The following LMCD1 variants were observed in gnomAD, a reference collection of about 807,000 sequenced individuals.
LMCD1 encodes LIM and cysteine rich domains 1.
LMCD1 carries 32 observed loss-of-function variants against 42.7 expected under a neutral mutation model. That is an observed-to-expected ratio of 0.75 (90% CI 0.57 to 1.01). The LOEUF (loss-of-function observed/expected upper bound fraction) is 1.01, where lower values mean the gene tolerates loss of function less well. Among genes scored for constraint, LMCD1 ranks in the 50% least tolerant of loss-of-function variants. The pLI is 0.00. For synonymous variants in LMCD1, 178 were observed against 184.9 expected, an observed-to-expected ratio of 0.96 and a Z score of 0.30; for missense variants, 458 against 483.1, an observed-to-expected ratio of 0.95 and a Z score of 0.49.
At chr3:8,520,686 T>C (rs1694188346) in intron 1 of LMCD1, among the ~76,000 whole-genome samples, 1 of 152,164 alleles carries the variant, frequency 6.6e-6, no homozygotes, top group African/African-American at 2.4e-5. Flanking sequence ...AAAAGACAAC[T>C]CCAAGAGAAA....
intron 1 of LMCD1, among the ~76,000 whole-genome samples, chr3:8,529,976 G>A (rs1342554286): frequency 6.6e-6 from 1 of 152,164 alleles, no homozygotes; most frequent in Non-Finnish European, 1.5e-5. Flanking sequence ...GCAGGTCATG[G>A]AACTCAACAA....
At chr3:8,512,660 C>A (rs1443137887) in intron 1 of LMCD1, among the ~76,000 whole-genome samples, 3 of 152,236 alleles carry the variant, frequency 2.0e-5, no homozygotes, top group African/African-American at 7.2e-5. Flanking sequence ...TGGCTGTCAT[C>A]ACCCACCTTC....
At chr3:8,527,325 A>G (rs543158577) in intron 1 of LMCD1, among the ~76,000 whole-genome samples, 2 of 152,326 alleles carry the variant, frequency 1.3e-5, no homozygotes, top group African/African-American at 4.8e-5. Context: ...GACCATCTGG[A>G]TGGGCAAGTT....
rs990185320 is a variant in LMCD1 at position 8,533,071 on chromosome 3, A to G, written c.131+246A>G. Among the ~76,000 whole-genome samples, 10 of 152,202 alleles carry G rather than the reference A, an allele frequency of 6.6e-5. No individual in the cohort carries two copies. The East Asian group carries it at 1.7e-3, about 27-fold the overall frequency. On this transcript the variant is annotated intron_variant, in intron 2 of 5. Transcript: ENST00000157600. ...CACTTCCTAAACCATTTCAAGGTAG[A>G]GTCCACCAAACCCAGCCCAGCAAGA...
chr3:8,522,680 G>C (rs186674761), intron 1 of LMCD1, among the ~76,000 whole-genome samples: 144 of 152,194 alleles, frequency 9.5e-4, no homozygotes, highest in African/African-American at 3.3e-3. Context: ...GACATGTCCA[G>C]AGAGAGGAAC....
At chr3:8,565,393 G>A in intron 4 of LMCD1, 39 bp from the exon 5 acceptor site, 1 of 1,574,512 alleles carries the variant, frequency 6.4e-7, no homozygotes, top group South Asian at 1.1e-5. Flanking sequence ...GTGCTCTCCT[G>A]ACTTCCTTGT....
Position 8,532,839 on chromosome 3 carries a change from T to C in LMCD1, c.131+14T>C. ...ACATTCATGGAGGTAACAGATTTTG[T>C]CAGGAGGGTCCCTGTCTGCCTTTGT... is the stretch of plus-strand genomic sequence containing the variant. On this transcript the variant is annotated intron_variant, in intron 2 of 5. Transcript: ENST00000157600. 6.2e-7 allele frequency: 1 copy of C among 1,608,832 alleles called. No individual in the cohort carries two copies. The highest frequency in any genetic ancestry group is 8.5e-7 in the Non-Finnish European group (1 of 1,175,422).
chr3:8,563,735 G>T (rs1378036238), intron 4 of LMCD1, among the ~76,000 whole-genome samples: 3 of 152,170 alleles, frequency 2.0e-5, no homozygotes. Flanking sequence ...TGGAAGTGGG[G>T]AGAAGAGTCA....
At chr3:8,562,334 T>G (rs893987522) in intron 4 of LMCD1, among the ~76,000 whole-genome samples, 1 of 152,216 alleles carries the variant, frequency 6.6e-6, no homozygotes, top group Non-Finnish European at 1.5e-5. Flanking sequence ...TTGGGCATGC[T>G]GCTCCTTTGC....
At chr3:8,544,070 C>A (rs771372510) in intron 3 of LMCD1, among the ~76,000 whole-genome samples, 8 of 152,276 alleles carry the variant, frequency 5.3e-5, no homozygotes, top group Non-Finnish European at 7.3e-5. Flanking sequence ...CTATCTTGGC[C>A]TCTTTGACAG....
At chr3:8,506,123 G>A (rs1283682176) in intron 1 of LMCD1, among the ~76,000 whole-genome samples, 1 of 152,182 alleles carries the variant, frequency 6.6e-6, no homozygotes, top group Non-Finnish European at 1.5e-5. Context: ...TAAGCTGCAG[G>A]TGTGTCTGAC....
intron 1 of LMCD1, among the ~76,000 whole-genome samples, chr3:8,528,250 G>A (rs1463668846): frequency 1.3e-5 from 2 of 152,220 alleles, no homozygotes; most frequent in African/African-American, 2.4e-5. Context: ...GTGCAGTGGC[G>A]TGGTCATAGC....
chr3:8,547,746 A>AGCCGAGC (rs59400496), intron 3 of LMCD1, among the ~76,000 whole-genome samples: 1 of 151,536 alleles, frequency 6.6e-6, no homozygotes, highest in Non-Finnish European at 1.5e-5. Context: ...CAAAAAAATT[A>AGCCGAGC]GCAGTGGCGG....
At position 8,569,736 on chromosome 3, in the gene LMCD1, C is replaced by T. The variant is rs1038623798; in HGVS notation, c.*2138C>T. 1 of 152,258 alleles carries T rather than the reference C, an allele frequency of 6.6e-6. No individual in the cohort carries two copies. Among genetic ancestry groups the T allele is most frequent in the Non-Finnish European group, 1.5e-5 (1 of 68,144 alleles). 9.4% of individuals were successfully genotyped at this position (152,258 alleles called of 1,614,324 possible). ...CCTTGCCAGGCATAGTGGCTCAGGC[C>T]TGTATTCTCAGCACTTTGGGAGGCC... On this transcript the variant is annotated 3_prime_UTR_variant, in exon 6 of 6. Transcript: ENST00000157600.
chr3:8,507,142 CACA>C (rs1417772611), intron 1 of LMCD1, among the ~76,000 whole-genome samples: 4 of 152,204 alleles, frequency 2.6e-5, no homozygotes, highest in African/African-American at 9.6e-5. Context: ...CCTTCAAGAG[CACA>C]ACATTTCCTT....
intron 3 of LMCD1, among the ~76,000 whole-genome samples, chr3:8,538,585 A>AGG (rs1694555453): frequency 6.6e-6 from 1 of 152,126 alleles, no homozygotes; most frequent in Non-Finnish European, 1.5e-5. Flanking sequence ...AGAACACACC[A>AGG]AGCTCCTGCC....
chr3:8,573,886 A>C lies in LMCD1; in HGVS notation c.*6288A>C, dbSNP rs1054075782. The C allele has an allele frequency of 2.0e-5, 3 of 152,106 alleles. No individual in the cohort carries two copies. Among genetic ancestry groups the C allele is most frequent in the South Asian group, 4.1e-4 (2 of 4,824 alleles). 9.4% of individuals were successfully genotyped at this position (152,106 alleles called of 1,614,324 possible). A position where few individuals can be genotyped will look rare whatever the true frequency, so the allele number is the denominator to read the frequency against. On this transcript the variant is annotated 3_prime_UTR_variant, in exon 6 of 6. Coordinates refer to ENST00000157600, the MANE Select transcript of LMCD1 (RefSeq NM_014583.4). ...AAACTGGTTTAAACCTAAAAAAAAA[A>C]AAAAGAAGAAAAGAAAAGAAAAAAT...
chr3:8,537,114 G>A (rs1574961124), intron 2 of LMCD1, 71 bp from the exon 3 acceptor site: 6 of 1,531,078 alleles, frequency 3.9e-6, no homozygotes, highest in Middle Eastern at 1.7e-4. Flanking sequence ...AAGGGTAGAT[G>A]CTGCTAGCAG....
At chr3:8,534,956 A>G (rs1366883557) in intron 2 of LMCD1, among the ~76,000 whole-genome samples, 1 of 152,218 alleles carries the variant, frequency 6.6e-6, no homozygotes, top group Non-Finnish European at 1.5e-5. Context: ...TTGTTTTGAA[A>G]TGTTTTGCAT....
Sources: allele counts gnomAD v4.1 joint callset (sites outside exome capture counted in the v4.1 genomes callset), GRCh38; gene constraint gnomAD v4.1.1; transcripts MANE v1.5; gene names NCBI Gene and HGNC (gene_info 2026-07-23, HGNC 2026-07-21).